ADGRL3: variants seen among roughly 807,000 people sequenced by gnomAD.
ADGRL3 encodes the protein calcium-independent alpha-latrotoxin receptor 3.
A neutral mutation model predicts 153.5 loss-of-function variants in ADGRL3; 62 were observed. The observed-to-expected ratio is 0.40, with a 90% confidence interval of 0.33 to 0.50. The LOEUF (loss-of-function observed/expected upper bound fraction) is 0.50. Among genes scored for constraint, ADGRL3 ranks in the 20% least tolerant of loss-of-function variants. The pLI is 0.47. For synonymous variants in ADGRL3, 710 were observed against 672.5 expected, an observed-to-expected ratio of 1.06 and a Z score of -0.86; for missense variants, 1,641 against 1,859.4, an observed-to-expected ratio of 0.88 and a Z score of 2.16.
chr4:61,318,510 G>A (rs1279128012), intron 1 of ADGRL3, among the ~76,000 whole-genome samples: 1 of 152,094 alleles, frequency 6.6e-6, no homozygotes, highest in Non-Finnish European at 1.5e-5. Context: ...GAACCATGAA[G>A]TAGTGTAATA....
intron 13 of ADGRL3, among the ~76,000 whole-genome samples, chr4:61,923,928 T>G (rs2098782449): frequency 6.6e-6 from 1 of 152,176 alleles, no homozygotes; most frequent in South Asian, 2.1e-4. Flanking sequence ...TATTTACTGT[T>G]TAATTGAAGC....
intron 4 of ADGRL3, among the ~76,000 whole-genome samples, chr4:61,561,614 A>C (rs1464840274): frequency 6.6e-6 from 1 of 152,018 alleles, no homozygotes; most frequent in Non-Finnish European, 1.5e-5. Context: ...TGCTAAGTGA[A>C]TATTGGTTAA....
At chr4:61,466,593 C>T (rs1221457564) in intron 2 of ADGRL3, among the ~76,000 whole-genome samples, 1 of 152,130 alleles carries the variant, frequency 6.6e-6, no homozygotes, top group African/African-American at 2.4e-5. Context: ...TAAATATCGT[C>T]AGGAGATTGT....
intron 5 of ADGRL3, among the ~76,000 whole-genome samples, chr4:61,616,093 A>C (rs2149758981): frequency 6.6e-6 from 1 of 152,306 alleles, no homozygotes; most frequent in Admixed American, 6.5e-5. Context: ...ATAGTCCAAA[A>C]GATATTTATT....
At chr4:61,601,584 A>G (rs1381438265) in intron 5 of ADGRL3, among the ~76,000 whole-genome samples, 7 of 152,168 alleles carry the variant, frequency 4.6e-5, no homozygotes, top group Non-Finnish European at 1.0e-4. Flanking sequence ...GAAATAAATT[A>G]TCATTTTTTC....
rs550009817 is a variant in ADGRL3, at chr4:61,565,402, G to A, written c.260-21825G>A. On this transcript the variant is annotated intron_variant, in intron 4 of 26. Coordinates refer to ENST00000683033, the MANE Select transcript of ADGRL3 (RefSeq NM_001387552.1). ...TCATATTTAATGACATATTATTTTG[G>A]CATAATTGATGATGATGTGGGAAAT... 4.6e-5 allele frequency among the ~76,000 whole-genome samples: 7 copies of A among 152,146 alleles called. No individual in the cohort carries two copies. In the South Asian group the frequency reaches 1.5e-3, roughly 32 times the overall value.
At chr4:61,766,316 G>A (rs1170048745) in intron 8 of ADGRL3, among the ~76,000 whole-genome samples, 1 of 152,098 alleles carries the variant, frequency 6.6e-6, no homozygotes, top group Non-Finnish European at 1.5e-5. Context: ...GAGAACTGTA[G>A]AGAGTGAGTT....
chr4:61,669,105 G>A lies in ADGRL3; in HGVS notation c.474-7721G>A, dbSNP rs139369769. Reference sequence around the variant, plus strand: ...TGCCCTTAAATTGTAAGTGGACAACGTCATTAAACTTTTTAATAAATGCTG... The same window carrying A: ...TGCCCTTAAATTGTAAGTGGACAACATCATTAAACTTTTTAATAAATGCTG... On this transcript the variant is annotated intron_variant, in intron 5 of 26. Transcript: ENST00000683033. 9.9e-5 allele frequency among the ~76,000 whole-genome samples: 15 copies of A among 152,242 alleles called. No individual in the cohort carries two copies. The South Asian group carries it at 1.0e-3, about 11-fold the overall frequency.
At chr4:61,217,310 C>A (rs1340274052) in intron 1 of ADGRL3, among the ~76,000 whole-genome samples, 1 of 152,170 alleles carries the variant, frequency 6.6e-6, no homozygotes, top group African/African-American at 2.4e-5. Context: ...TCTGAAAAGA[C>A]TTCCCAGAGC....
At position 61,789,509 on chromosome 4, in the gene ADGRL3, ATTTACT is replaced by A. The variant is rs1231604454; in HGVS notation, c.1400-24296_1400-24291del. Among the ~76,000 whole-genome samples the A allele has an allele frequency of 1.9e-4, 29 of 152,248 alleles. No individual in the cohort carries two copies. The East Asian group carries it at 5.2e-3, about 27-fold the overall frequency. On this transcript the variant is annotated intron_variant, in intron 8 of 26. Transcript: ENST00000683033. ...TATATGCAAGAAGCTTATTTTTAAG[ATTTACT>A]TTTTCTTTAAAATACACAATAAAGT...
At chr4:61,724,323 T>C (rs1256134214) in intron 6 of ADGRL3, among the ~76,000 whole-genome samples, 1 of 152,214 alleles carries the variant, frequency 6.6e-6, no homozygotes, top group Non-Finnish European at 1.5e-5. Context: ...CTAAGAGAGC[T>C]GCATTTTCTT....
chr4:61,677,329 T>A, intron 6 of ADGRL3: 1 of 365,786 alleles, frequency 2.7e-6, no homozygotes, highest in Non-Finnish European at 5.2e-6. Context: ...TTGATAGAAT[T>A]GTATCTAAGC....
intron 2 of ADGRL3, among the ~76,000 whole-genome samples, chr4:61,465,955 G>A (rs2097877742): frequency 6.6e-6 from 1 of 151,420 alleles, no homozygotes; most frequent in East Asian, 1.9e-4. Context: ...AACACCCTCT[G>A]TACTCGAATA....
chr4:61,835,777 C>T (rs866609231), intron 9 of ADGRL3, among the ~76,000 whole-genome samples: 301 of 151,502 alleles, frequency 2.0e-3, no homozygotes, highest in African/African-American at 7.0e-3. Context: ...AAACCAGAAA[C>T]GAATCATTCC....
chr4:61,484,556 C>A (rs1420506725), intron 2 of ADGRL3, among the ~76,000 whole-genome samples: 1 of 152,106 alleles, frequency 6.6e-6, no homozygotes, highest in Non-Finnish European at 1.5e-5. Flanking sequence ...TGTTCCCTTA[C>A]TTTATTTCCA....
At chr4:61,387,343 T>A (rs2096749670) in intron 2 of ADGRL3, among the ~76,000 whole-genome samples, 1 of 152,146 alleles carries the variant, frequency 6.6e-6, no homozygotes, top group Non-Finnish European at 1.5e-5. Flanking sequence ...TTGGGCACCA[T>A]TGTCATTGAT....
intron 1 of ADGRL3, among the ~76,000 whole-genome samples, chr4:61,351,365 T>C (rs913814858): frequency 6.6e-6 from 1 of 152,218 alleles, no homozygotes; most frequent in Non-Finnish European, 1.5e-5. Context: ...CAAGTGCTGA[T>C]GTAGAAGCTG....
At chr4:61,705,804 G>A (rs999466909) in intron 6 of ADGRL3, among the ~76,000 whole-genome samples, 15 of 152,140 alleles carry the variant, frequency 9.9e-5, no homozygotes, top group East Asian at 3.9e-4. Context: ...GCGCCCAGTC[G>A]AGTGGTAATA....
At chr4:62,035,720 C>T (rs2151563635) in intron 23 of ADGRL3, among the ~76,000 whole-genome samples, 1 of 152,140 alleles carries the variant, frequency 6.6e-6, no homozygotes, top group African/African-American at 2.4e-5. Flanking sequence ...AATGCCTGTG[C>T]TGGTCAGTGA....
Sources: allele counts gnomAD v4.1 joint callset (sites outside exome capture counted in the v4.1 genomes callset), GRCh38; gene constraint gnomAD v4.1.1; transcripts MANE v1.5; gene names NCBI Gene and HGNC (gene_info 2026-07-23, HGNC 2026-07-21).